The following LRMDA variants were observed in gnomAD, a reference collection of about 807,000 sequenced individuals.
LRMDA encodes the protein leucine rich melanocyte differentiation associated, also known as leucine-rich melanocyte differentiation-associated protein.
Under a neutral mutation model 29.8 loss-of-function variants are expected in LRMDA, and 18 were observed. The ratio of observed to expected loss-of-function variants is 0.60; its 90% CI spans 0.42 to 0.90. The LOEUF is 0.90. Among genes scored for constraint, LRMDA ranks in the 40% least tolerant of loss-of-function variants. LRMDA has a pLI of 0.00. For synonymous variants in LRMDA, 125 were observed against 109.4 expected (o/e 1.14, Z -0.89); for missense variants, 273 against 273.9 (o/e 1.00, Z 0.02).
intron 6 of LRMDA, among the ~76,000 whole-genome samples, chr10:76,397,019 G>T (rs543943611): frequency 1.3e-5 from 2 of 152,204 alleles, no homozygotes; most frequent in East Asian, 3.9e-4. Context: ...AGATGAAAAG[G>T]ATGAGATTGA....
At chr10:76,478,753 T>C (rs1395810346) in intron 6 of LRMDA, among the ~76,000 whole-genome samples, 2 of 152,052 alleles carry the variant, frequency 1.3e-5, no homozygotes, top group East Asian at 1.9e-4. Context: ...TGTAGGGACA[T>C]GGATGAAGCT....
chr10:75,481,930 T>G (rs1017284183), intron 2 of LRMDA, among the ~76,000 whole-genome samples: 1 of 152,216 alleles, frequency 6.6e-6, no homozygotes, highest in Non-Finnish European at 1.5e-5. Context: ...CTTTCAGATT[T>G]CAGTTTCAGC....
At chr10:75,631,776 A>G (rs111968605) in intron 2 of LRMDA, among the ~76,000 whole-genome samples, 324 of 152,256 alleles carry the variant, frequency 2.1e-3, no homozygotes, top group Non-Finnish European at 3.7e-3. Flanking sequence ...TTTGCAATGA[A>G]ACAGTTTTAT....
intron 5 of LRMDA, among the ~76,000 whole-genome samples, chr10:76,107,462 T>G (rs910346775): frequency 3.3e-5 from 5 of 152,214 alleles, no homozygotes; most frequent in African/African-American, 9.6e-5. Context: ...CTTAAGGCAG[T>G]CTGGGCCTTT....
intron 5 of LRMDA, among the ~76,000 whole-genome samples, chr10:76,322,102 C>T (rs1384103351): frequency 6.6e-6 from 1 of 152,178 alleles, no homozygotes; most frequent in Non-Finnish European, 1.5e-5. Context: ...TTACTGCATA[C>T]TCAATATACG....
chr10:76,234,938 T>C (rs906809404), intron 5 of LRMDA, among the ~76,000 whole-genome samples: 1 of 152,198 alleles, frequency 6.6e-6, no homozygotes, highest in Non-Finnish European at 1.5e-5. Flanking sequence ...CTCACTGGAG[T>C]AGCACTTTTA....
intron 2 of LRMDA, among the ~76,000 whole-genome samples, chr10:76,007,450 T>G (rs1847691965): frequency 6.6e-6 from 1 of 152,162 alleles, no homozygotes. Context: ...CCATAATTGA[T>G]CTTGCTTATT....
At chr10:75,513,725 TG>T (rs754978577) in intron 2 of LRMDA, among the ~76,000 whole-genome samples, 1 of 152,194 alleles carries the variant, frequency 6.6e-6, no homozygotes, top group Non-Finnish European at 1.5e-5. Flanking sequence ...CCTCCGTTTC[TG>T]ATTTTACATC....
intron 2 of LRMDA, among the ~76,000 whole-genome samples, chr10:75,962,785 T>C (rs1846791592): frequency 6.6e-6 from 1 of 152,244 alleles, no homozygotes; most frequent in Non-Finnish European, 1.5e-5. Flanking sequence ...CAATGAACTG[T>C]ACCAGACCCT....
At chr10:76,221,933 G>A (rs917079329) in intron 5 of LRMDA, among the ~76,000 whole-genome samples, 1 of 151,832 alleles carries the variant, frequency 6.6e-6, no homozygotes, top group African/African-American at 2.4e-5. Context: ...ATAGATCAGT[G>A]GAACAGAACA....
chr10:75,609,236 GA>G (rs1250831327), intron 2 of LRMDA, among the ~76,000 whole-genome samples: 1 of 152,150 alleles, frequency 6.6e-6, no homozygotes, highest in Non-Finnish European at 1.5e-5. Context: ...GGCTTGGTAT[GA>G]AGCTTTGAGG....
At chr10:75,578,909 TA>T (rs1233295282) in intron 2 of LRMDA, among the ~76,000 whole-genome samples, 3 of 151,334 alleles carry the variant, frequency 2.0e-5, no homozygotes, top group African/African-American at 7.3e-5. Context: ...GGGACACATT[TA>T]AAGTAGTGTG....
chr10:75,702,254 A>G (rs975092308), intron 2 of LRMDA, among the ~76,000 whole-genome samples: 2 of 152,210 alleles, frequency 1.3e-5, no homozygotes, highest in African/African-American at 4.8e-5. Context: ...CCTGCAGACC[A>G]TCATCTCTCA....
intron 6 of LRMDA, among the ~76,000 whole-genome samples, chr10:76,549,036 G>C (rs1182464521): frequency 1.3e-5 from 2 of 152,138 alleles, no homozygotes; most frequent in Non-Finnish European, 2.9e-5. Context: ...ATTTTCCACT[G>C]ACAGATTATA....
chr10:75,797,546 C>G (rs1159432568), intron 2 of LRMDA, among the ~76,000 whole-genome samples: 6 of 152,130 alleles, frequency 3.9e-5, no homozygotes, highest in Admixed American at 6.5e-5. Context: ...TTTGCCGTCA[C>G]TCTCTATTCC....
chr10:76,206,085 G>A (rs986431688), intron 5 of LRMDA, among the ~76,000 whole-genome samples: 8 of 152,142 alleles, frequency 5.3e-5, no homozygotes, highest in African/African-American at 1.9e-4. Context: ...ATCAAAAGAC[G>A]CATCTGGATT....
At chr10:76,013,226 G>A (rs1047736836) in intron 2 of LRMDA, among the ~76,000 whole-genome samples, 13 of 152,066 alleles carry the variant, frequency 8.5e-5, no homozygotes, top group South Asian at 2.1e-4. Flanking sequence ...CCCAGGTGGC[G>A]CTGTCCTTAA....
chr10:75,788,530 T>C (rs1843512427), intron 2 of LRMDA, among the ~76,000 whole-genome samples: 1 of 152,250 alleles, frequency 6.6e-6, no homozygotes, highest in Non-Finnish European at 1.5e-5. Flanking sequence ...GCCAGTCATG[T>C]GCTAAAGCCA....
chr10:75,869,623 T>C (rs2132330519), intron 2 of LRMDA, among the ~76,000 whole-genome samples: 1 of 152,352 alleles, frequency 6.6e-6, no homozygotes, highest in South Asian at 2.1e-4. Flanking sequence ...CCAAGTGCAT[T>C]ACTGATTCCT....
Sources: gnomAD v4.1 joint callset for allele counts (sites outside exome capture counted in the v4.1 genomes callset) on GRCh38, gnomAD v4.1.1 for gene constraint, MANE v1.5 for transcripts, NCBI Gene and HGNC (gene_info 2026-07-23, HGNC 2026-07-21) for gene names.